RAB40C: variants seen among roughly 807,000 people sequenced by gnomAD.
RAB40C encodes the protein ras-related protein Rab-40C.
RAB40C carries 8 observed loss-of-function variants against 28.1 expected under a neutral mutation model. That is an observed-to-expected ratio of 0.28 (90% CI 0.17 to 0.51). The LOEUF is 0.51. Ranked by LOEUF, RAB40C falls within the 20% of genes least tolerant of loss-of-function variation. The pLI, the probability that RAB40C is intolerant of heterozygous loss-of-function variation, is 0.97. For missense variants in RAB40C, 288 were observed against 405.9 expected (o/e 0.71, Z 2.50); for synonymous variants, 201 against 171.7 (o/e 1.17, Z -1.34).
In RAB40C at chr16:627,959, G is replaced by A; in HGVS notation, c.*337G>A. The A allele has an allele frequency of 3.9e-6, 1 of 254,910 alleles. No individual in the cohort carries two copies. The highest frequency in any genetic ancestry group is 5.2e-5 in the Admixed American group (1 of 19,134). The allele number at this position is 254,910 out of a possible 1,614,324, so 15.8% of individuals were successfully genotyped here. On this transcript the variant is annotated 3_prime_UTR_variant, in exon 6 of 6. Coordinates refer to ENST00000248139, the MANE Select transcript of RAB40C (RefSeq NM_021168.5). The stretch of plus-strand genomic sequence containing the variant: ...ACTTCACTTTTTTGTACATTTTTAA[G>A]GGGCCTTCAGGGAAGCCTGGGTGTG...
In RAB40C at chr16:625,518, G is replaced by A; in HGVS notation, c.342+9G>A. 6.2e-7 allele frequency: 1 copy of A among 1,612,906 alleles called. No individual in the cohort carries two copies. Among genetic ancestry groups the A allele is most frequent in the Non-Finnish European group, 8.5e-7 (1 of 1,179,736 alleles). On this transcript the variant is annotated intron_variant, in intron 4 of 5. Transcript: ENST00000248139. The stretch of plus-strand genomic sequence containing the variant: ...TCAAGGAGATCGATGAGGTAGGCCT[G>A]GGTCCGGGGAGCCCTCCCGGGGAAG...
chr16:599,205 C>T (rs1229003041), intron 1 of RAB40C, among the ~76,000 whole-genome samples: 1 of 152,262 alleles, frequency 6.6e-6, no homozygotes, highest in East Asian at 1.9e-4. Flanking sequence ...AGGCCCCGGC[C>T]CCGGCCGAAG....
chr16:594,580 A>C (rs955517150), intron 1 of RAB40C, among the ~76,000 whole-genome samples: 1 of 152,158 alleles, frequency 6.6e-6, no homozygotes, highest in Non-Finnish European at 1.5e-5. Context: ...GAAGTGGCCA[A>C]TTCCAGGGGA....
Position 598,640 on chromosome 16 carries a change from G to C in RAB40C, c.142+8207G>C, listed in dbSNP as rs79327619. Reference sequence around the variant, plus strand: ...GTCTGTAGTCCCAATTACTTGGGAGGCTGAGGTGGGAAACTCACTGGAGCC... The same window carrying C: ...GTCTGTAGTCCCAATTACTTGGGAGCCTGAGGTGGGAAACTCACTGGAGCC... On this transcript the variant is annotated intron_variant, in intron 1 of 5. Transcript: ENST00000248139. Among the ~76,000 whole-genome samples the C allele has an allele frequency of 9.9e-5, 15 of 152,210 alleles. No individual in the cohort carries two copies. In the East Asian group the frequency reaches 2.5e-3, roughly 25 times the overall value.
At chr16:618,164 C>T (rs2036627679) in intron 2 of RAB40C, 36 bp from the exon 3 acceptor site, 5 of 1,602,286 alleles carry the variant, frequency 3.1e-6, no homozygotes, top group Non-Finnish European at 3.4e-6. Context: ...TCACAGGGAC[C>T]ACAGTCCCGG....
At chr16:627,258 G>A in intron 5 of RAB40C, 84 bp from the exon 6 acceptor site, 5 of 1,388,314 alleles carry the variant, frequency 3.6e-6, no homozygotes, top group Admixed American at 1.9e-5. Context: ...GACCCCGCCA[G>A]GCTTCTCTTG....
At chr16:600,109 G>C (rs1445009265) in intron 1 of RAB40C, among the ~76,000 whole-genome samples, 1 of 152,152 alleles carries the variant, frequency 6.6e-6, no homozygotes, top group African/African-American at 2.4e-5. Context: ...TTCCTGTTTG[G>C]TTTGGGACTC....
chr16:617,065 CT>C (rs1361776760), intron 1 of RAB40C, 142 bp from the exon 2 acceptor site: 2 of 844,130 alleles, frequency 2.4e-6, no homozygotes, highest in Non-Finnish European at 3.8e-6. Context: ...AGATTTCCCC[CT>C]GCCCCACTGG....
intron 1 of RAB40C, among the ~76,000 whole-genome samples, chr16:597,538 C>T (rs1013744304): frequency 3.3e-5 from 5 of 150,554 alleles, no homozygotes; most frequent in East Asian, 3.9e-4. Context: ...GGGTGTAGTT[C>T]GATGGCACTA....
At chr16:615,751 C>T (rs928392171) in intron 1 of RAB40C, among the ~76,000 whole-genome samples, 1 of 151,986 alleles carries the variant, frequency 6.6e-6, no homozygotes, top group Non-Finnish European at 1.5e-5. Flanking sequence ...CACCTGAGGT[C>T]AGGAATTTGT....
In RAB40C at chr16:618,274, C is replaced by T. The variant is rs187285404; in HGVS notation, c.264+14C>T. 6.5e-4 allele frequency: 1,049 copies of T among 1,601,922 alleles called. 16 individuals are homozygous for T. The East Asian group carries it at 0.023, about 35-fold the overall frequency. ...AGGGGCGCTCAGGTAAGACCAGCACCGCTCTTTCCATTGCTTTTCAAAGGA... is the reference window on the plus strand; with the variant it reads ...AGGGGCGCTCAGGTAAGACCAGCACTGCTCTTTCCATTGCTTTTCAAAGGA... On this transcript the variant is annotated intron_variant, in intron 3 of 5. Coordinates refer to ENST00000248139, the MANE Select transcript of RAB40C (RefSeq NM_021168.5).
At chr16:596,844 C>G (rs1259288303) in intron 1 of RAB40C, among the ~76,000 whole-genome samples, 2 of 152,148 alleles carry the variant, frequency 1.3e-5, no homozygotes, top group African/African-American at 4.8e-5. Flanking sequence ...AGGGTGGACT[C>G]GCACTTTGAG....
At chr16:613,109 A>C (rs1334001460) in intron 1 of RAB40C, among the ~76,000 whole-genome samples, 27 of 62,094 alleles carry the variant, frequency 4.3e-4, no homozygotes, top group South Asian at 7.3e-4. Flanking sequence ...ATCAAGAGCA[A>C]GGGACAGCCG....
Position 591,134 on chromosome 16 carries a change from T to C in RAB40C, c.142+701T>C, listed in dbSNP as rs117411093. Among the ~76,000 whole-genome samples, 29 of 142,324 alleles carry C rather than the reference T, an allele frequency of 2.0e-4. No homozygotes were observed. The East Asian group carries it at 5.8e-3, about 29-fold the overall frequency. The allele number at this position is 142,324 out of a possible 152,430, so 93.4% of individuals were successfully genotyped here. ...ATCTGGGGTCCGAGGGAAGGTGTCA[T>C]AGATCTGGGGAAAGGTGTCATGGGT... On this transcript the variant is annotated intron_variant, in intron 1 of 5. Coordinates refer to ENST00000248139, the MANE Select transcript of RAB40C (RefSeq NM_021168.5).
intron 1 of RAB40C, among the ~76,000 whole-genome samples, chr16:599,561 C>T (rs1166102668): frequency 6.7e-6 from 1 of 150,066 alleles, no homozygotes; most frequent in Non-Finnish European, 1.5e-5. Flanking sequence ...CTACTGTCAG[C>T]GTGGATTCAG....
intron 1 of RAB40C, among the ~76,000 whole-genome samples, chr16:601,991 T>C (rs2036262268): frequency 6.6e-6 from 1 of 151,916 alleles, no homozygotes; most frequent in South Asian, 2.1e-4. Flanking sequence ...CGGGGTGTGG[T>C]GTCGGGCACC....
chr16:627,579 G>T lies in RAB40C; in HGVS notation c.803G>T (p.Ser268Ile), dbSNP rs763930817. ...KRSKSIRPPQSPPQNCSRSNC... is the reference protein window; with the variant it reads ...KRSKSIRPPQIPPQNCSRSNC... ...TCCAAGTCCATCCGTCCACCCCAGAGCCCCCCCCAGAACTGCTCGCGGAGT... is the reference window on the plus strand; with the variant it reads ...TCCAAGTCCATCCGTCCACCCCAGATCCCCCCCCAGAACTGCTCGCGGAGT... Residue 268 changes from serine to isoleucine, a missense_variant, in exon 6 of 6, where the codon AGC (serine) becomes ATC (isoleucine). By Grantham distance (142) the Ser-to-Ile change is moderately radical. Coordinates refer to ENST00000248139, the MANE Select transcript of RAB40C (RefSeq NM_021168.5). The T allele has an allele frequency of 1.2e-6, 2 of 1,608,348 alleles. No homozygotes were observed. The highest frequency in any genetic ancestry group is 1.7e-5 in the Admixed American group (1 of 59,746).
chr16:607,048 C>T (rs1229062761), intron 1 of RAB40C, among the ~76,000 whole-genome samples: 3 of 152,228 alleles, frequency 2.0e-5, no homozygotes, highest in African/African-American at 7.2e-5. Flanking sequence ...GAGGGTCCCA[C>T]TTCCGAGCCG....
chr16:605,012 C>T (rs1169807649), intron 1 of RAB40C, among the ~76,000 whole-genome samples: 1 of 152,058 alleles, frequency 6.6e-6, no homozygotes, highest in Non-Finnish European at 1.5e-5. Flanking sequence ...GAGCTGAGAT[C>T]ATGCCACTGC....
Sources: allele counts gnomAD v4.1 joint callset (sites outside exome capture counted in the v4.1 genomes callset), GRCh38; gene constraint gnomAD v4.1.1; transcripts MANE v1.5; gene names NCBI Gene and HGNC (gene_info 2026-07-23, HGNC 2026-07-21).